ARB2A: variants seen among roughly 807,000 people sequenced by gnomAD.
ARB2A encodes the protein ARB2 cotranscriptional regulator A.
At chr5:93,982,823 G>A in the ARB2A span, among the ~76,000 whole-genome samples, 2 of 152,208 alleles carry the variant, frequency 1.3e-5, no homozygotes, top group Non-Finnish European at 2.9e-5. Flanking sequence ...GGGAGGCTGA[G>A]GTGGGCGGAT....
At chr5:93,642,371 C>T in the ARB2A span, among the ~76,000 whole-genome samples, 3 of 151,104 alleles carry the variant, frequency 2.0e-5, no homozygotes, top group Non-Finnish European at 4.4e-5. Flanking sequence ...CCATACCTGG[C>T]TAATTTTTTA....
chr5:94,053,448 T>G, the ARB2A span, among the ~76,000 whole-genome samples: 1 of 152,130 alleles, frequency 6.6e-6, no homozygotes, highest in Non-Finnish European at 1.5e-5. Flanking sequence ...CAACTACAAC[T>G]CAGATTCTAT....
chr5:93,896,049 G>T, the ARB2A span, among the ~76,000 whole-genome samples: 1 of 152,052 alleles, frequency 6.6e-6, no homozygotes, highest in African/African-American at 2.4e-5. Context: ...AAGAAAAAGT[G>T]TTTAAAATAC....
At chr5:94,025,058 A>C in the ARB2A span, among the ~76,000 whole-genome samples, 1 of 152,222 alleles carries the variant, frequency 6.6e-6, no homozygotes, top group Non-Finnish European at 1.5e-5. Context: ...AACCTGACCA[A>C]AGATGCAACT....
chr5:94,084,957 A>G, the ARB2A span, among the ~76,000 whole-genome samples: 7 of 152,226 alleles, frequency 4.6e-5, no homozygotes, highest in African/African-American at 1.4e-4. Flanking sequence ...ATGTTGGGGC[A>G]AGGAATACAA....
chr5:93,853,279 A>T, the ARB2A span, among the ~76,000 whole-genome samples: 1 of 152,176 alleles, frequency 6.6e-6, no homozygotes, highest in Admixed American at 6.5e-5. Context: ...GGTGTATAAG[A>T]ATGTTTGTGA....
the ARB2A span, chr5:93,734,289 C>T: frequency 6.6e-6 from 1 of 152,252 alleles, no homozygotes; most frequent in African/African-American, 2.4e-5. Context: ...CTTCATATGA[C>T]ACTGAGCTGG....
At chr5:93,711,705 G>T in the ARB2A span, among the ~76,000 whole-genome samples, 1 of 152,246 alleles carries the variant, frequency 6.6e-6, no homozygotes, top group African/African-American at 2.4e-5. Context: ...AAGGACAGTG[G>T]CAATCTGTGG....
chr5:93,667,351 TA>T, the ARB2A span, among the ~76,000 whole-genome samples: 3 of 152,252 alleles, frequency 2.0e-5, no homozygotes, highest in African/African-American at 7.2e-5. Context: ...TAATGGGTAC[TA>T]ATCATACCTT....
the ARB2A span, among the ~76,000 whole-genome samples, chr5:93,971,062 G>A: frequency 1.3e-5 from 2 of 151,548 alleles, no homozygotes; most frequent in Admixed American, 6.6e-5. Flanking sequence ...GCAGTGGTGC[G>A]ATCTCAGCTC....
chr5:93,958,955 T>C, the ARB2A span: 1 of 1,587,256 alleles, frequency 6.3e-7, no homozygotes, highest in Non-Finnish European at 8.6e-7. Flanking sequence ...TGGTTCACTC[T>C]CAGTGGCATC....
At chr5:93,619,331 AC>A in the ARB2A span, 4 of 152,248 alleles carry the variant, frequency 2.6e-5, no homozygotes, top group African/African-American at 9.6e-5. Flanking sequence ...ATATATGCAT[AC>A]CTGAGCACTG....
chr5:94,108,742 G>A, the ARB2A span, among the ~76,000 whole-genome samples: 1 of 152,098 alleles, frequency 6.6e-6, no homozygotes. Flanking sequence ...TGGAGAAATG[G>A]TGAGGATGTG....
At chr5:93,803,616 G>T in the ARB2A span, among the ~76,000 whole-genome samples, 11 of 151,144 alleles carry the variant, frequency 7.3e-5, no homozygotes, top group African/African-American at 2.7e-4. Context: ...TGGGTACTAG[G>T]CTTAAGACCT....
the ARB2A span, among the ~76,000 whole-genome samples, chr5:94,061,113 C>G: frequency 6.6e-6 from 1 of 152,120 alleles, no homozygotes; most frequent in African/African-American, 2.4e-5. Context: ...TGGCGGGTGC[C>G]TGTAGTCCCA....
chr5:93,730,002 T>C, the ARB2A span, among the ~76,000 whole-genome samples: 1 of 152,178 alleles, frequency 6.6e-6, no homozygotes, highest in Non-Finnish European at 1.5e-5. Context: ...TTCTGTTTCT[T>C]AAATGTTCAC....
At chr5:94,107,240 T>C in the ARB2A span, among the ~76,000 whole-genome samples, 3 of 152,276 alleles carry the variant, frequency 2.0e-5, no homozygotes, top group South Asian at 6.2e-4. Context: ...GATCATTTCC[T>C]CCAAATGGAG....
chr5:93,837,062 C>T, the ARB2A span, among the ~76,000 whole-genome samples: 4 of 152,020 alleles, frequency 2.6e-5, no homozygotes, highest in African/African-American at 9.7e-5. Flanking sequence ...GTTTGGTGTA[C>T]AGATTATTTA....
chr5:93,936,818 A>G, the ARB2A span, among the ~76,000 whole-genome samples: 2 of 152,078 alleles, frequency 1.3e-5, no homozygotes, highest in South Asian at 4.1e-4. Context: ...AGTATTGACC[A>G]TGTTTTAATC....
Sources: allele counts gnomAD v4.1 joint callset (sites outside exome capture counted in the v4.1 genomes callset), GRCh38; gene constraint gnomAD v4.1.1; transcripts MANE v1.5; gene names NCBI Gene and HGNC (gene_info 2026-07-23, HGNC 2026-07-21).